Variants in CDC16 observed in about 807,000 individuals in gnomAD.
CDC16 encodes the protein cell division cycle 16, also known as cell division cycle protein 16 homolog.
In CDC16, 34 loss-of-function variants were observed where a neutral mutation model predicts 87.0. The ratio of observed to expected loss-of-function variants is 0.39; its 90% CI spans 0.30 to 0.52. The LOEUF is 0.52. Among genes scored for constraint, CDC16 ranks in the 20% least tolerant of loss-of-function variants. CDC16 has a pLI of 0.74. For synonymous variants in CDC16, 263 were observed against 260.6 expected, an observed-to-expected ratio of 1.01 and a Z score of -0.09; for missense variants, 653 against 751.9, an observed-to-expected ratio of 0.87 and a Z score of 1.54.
At chr13:114,261,082 C>T (rs1162534877) in intron 14 of CDC16, among the ~76,000 whole-genome samples, 1 of 152,058 alleles carries the variant, frequency 6.6e-6, no homozygotes, top group African/African-American at 2.4e-5. Flanking sequence ...TTGCATACAC[C>T]TCAGTCCTGA....
intron 1 of CDC16, 67 bp downstream of exon 1, chr13:114,235,199 C>A: frequency 9.3e-7 from 1 of 1,079,930 alleles, no homozygotes; most frequent in Non-Finnish European, 1.2e-6. Context: ...CGGCGTGGGG[C>A]TGGGGTGACT....
intron 14 of CDC16, among the ~76,000 whole-genome samples, chr13:114,261,228 G>A (rs2082844245): frequency 6.6e-6 from 1 of 151,968 alleles, no homozygotes; most frequent in Non-Finnish European, 1.5e-5. Context: ...GGTTAAGTGT[G>A]GATCACTAAA....
intron 17 of CDC16, among the ~76,000 whole-genome samples, chr13:114,267,706 G>A (rs2083325253): frequency 6.7e-6 from 1 of 150,314 alleles, no homozygotes; most frequent in Non-Finnish European, 1.5e-5. Context: ...TCACTAAAAA[G>A]GAAAGTTCAT....
At chr13:114,242,434 C>A in intron 6 of CDC16, 154 bp downstream of exon 6, 1 of 684,742 alleles carries the variant, frequency 1.5e-6, no homozygotes, top group Non-Finnish European at 2.4e-6. Flanking sequence ...AAGCACGTTG[C>A]AGAATGCAGT....
At chr13:114,244,598 T>G (rs529376306) in intron 8 of CDC16, 61 of 237,314 alleles carry the variant, frequency 2.6e-4, no homozygotes, top group Non-Finnish European at 4.4e-4. Flanking sequence ...TTTTGATTCT[T>G]TTAAATAAGC....
rs189327296 is a variant in CDC16, at chr13:114,243,514, T to C, written c.633+166T>C. ...ATAAGATTCCAAAAAAAAAAAGCTT[T>C]CAAAAATACCTTTTTCCTCTGAAAG... is the stretch of plus-strand genomic sequence containing the variant. On this transcript the variant is annotated intron_variant, in intron 7 of 17. Coordinates refer to ENST00000356221, the MANE Select transcript of CDC16 (RefSeq NM_001078645.3). Among the ~76,000 whole-genome samples, 1,476 of 152,148 alleles carry C rather than the reference T, an allele frequency of 9.7e-3. 21 individuals are homozygous for C. The highest frequency in any genetic ancestry group is 0.034 in the African/African-American group (1,403 of 41,528).
At chr13:114,257,422 G>A (rs528238833) in intron 13 of CDC16, among the ~76,000 whole-genome samples, 192 bp downstream of exon 13, 1 of 152,298 alleles carries the variant, frequency 6.6e-6, no homozygotes, top group South Asian at 2.1e-4. Flanking sequence ...CTAAACCCAG[G>A]TTTTGGTCTT....
In CDC16 at chr13:114,265,136, A is replaced by T. The variant is rs908970289; in HGVS notation, c.1513-14A>T. 3.2e-6 allele frequency: 5 copies of T among 1,557,594 alleles called. No homozygotes were observed. Among genetic ancestry groups the T allele is most frequent in the Non-Finnish European group, 3.5e-6 (4 of 1,128,694 alleles). On this transcript the variant is annotated splice_polypyrimidine_tract_variant and intron_variant, in intron 16 of 17. Transcript: ENST00000356221. ...TGTTTTCTTTTAATAACCATGCTGA[A>T]TCTTTTATGGCAGGCCCTTGGTCTT... is the stretch of plus-strand genomic sequence containing the variant.
chr13:114,235,147 C>G lies in CDC16; in HGVS notation c.48+15C>G. The G allele has an allele frequency of 5.6e-6, 7 of 1,241,376 alleles. No individual in the cohort carries two copies. Among genetic ancestry groups the G allele is most frequent in the Non-Finnish European group, 7.1e-6 (7 of 992,078 alleles). The allele number at this position is 1,241,376 out of a possible 1,614,324, so 76.9% of individuals were successfully genotyped here. Reference sequence around the variant, plus strand: ...ACCTCGACCAGGTGGGCGGCCCCGACTCGGGGTGCGGGGCCCAGGCCTCGC... The same window carrying G: ...ACCTCGACCAGGTGGGCGGCCCCGAGTCGGGGTGCGGGGCCCAGGCCTCGC... On this transcript the variant is annotated intron_variant, in intron 1 of 17. Coordinates refer to ENST00000356221, the MANE Select transcript of CDC16 (RefSeq NM_001078645.3).
chr13:114,238,182 A>ATT (rs1315034859), intron 3 of CDC16, among the ~76,000 whole-genome samples: 4 of 148,950 alleles, frequency 2.7e-5, no homozygotes, highest in African/African-American at 1.0e-4. Context: ...AGCTCCTCGG[A>ATT]CGCCCAGCAG....
rs185798069 is a variant in CDC16, at chr13:114,253,923, G to A, written c.1098-3155G>A. On this transcript the variant is annotated intron_variant, in intron 12 of 17. Transcript: ENST00000356221. ...TCTCCAGATTTTATTGTTGAATTGTGTATTTCTCCCTCCAATTCCGGCACA... is the reference window on the plus strand; with the variant it reads ...TCTCCAGATTTTATTGTTGAATTGTATATTTCTCCCTCCAATTCCGGCACA... 7.9e-4 allele frequency among the ~76,000 whole-genome samples: 120 copies of A among 152,210 alleles called. 1 individual carries two copies. The East Asian group carries it at 0.022, about 28-fold the overall frequency.
At chr13:114,254,998 G>A (rs2082409761) in intron 12 of CDC16, among the ~76,000 whole-genome samples, 1 of 152,170 alleles carries the variant, frequency 6.6e-6, no homozygotes, top group Non-Finnish European at 1.5e-5. Context: ...GCTTACTATT[G>A]ATAATAACTC....
intron 3 of CDC16, 52 bp from the exon 4 acceptor site, chr13:114,238,938 G>C: frequency 6.4e-7 from 1 of 1,567,998 alleles, no homozygotes; most frequent in Non-Finnish European, 8.7e-7. Context: ...CTTTGAAAGT[G>C]AAGATACATA....
chr13:114,235,950 A>G (rs987456167), intron 1 of CDC16, among the ~76,000 whole-genome samples: 2 of 152,198 alleles, frequency 1.3e-5, no homozygotes, highest in African/African-American at 4.8e-5. Flanking sequence ...GCATATTTAT[A>G]ACTATCCCGT....
In CDC16 at chr13:114,235,883, G is replaced by A. The variant is rs181997222; in HGVS notation, c.48+751G>A. ...TTTCTGATCACTTTTTCTTCGGTAC[G>A]GAGACGTAGTGAGGAATATGACAGG... is the stretch of plus-strand genomic sequence containing the variant. On this transcript the variant is annotated intron_variant, in intron 1 of 17. Coordinates refer to ENST00000356221, the MANE Select transcript of CDC16 (RefSeq NM_001078645.3). Among the ~76,000 whole-genome samples, 538 of 152,272 alleles carry A rather than the reference G, an allele frequency of 3.5e-3. 5 individuals carry two copies. The highest frequency in any genetic ancestry group is 0.012 in the African/African-American group (510 of 41,544).
chr13:114,265,898 C>G (rs2083180527), intron 17 of CDC16, among the ~76,000 whole-genome samples: 1 of 152,106 alleles, frequency 6.6e-6, no homozygotes, highest in South Asian at 2.1e-4. Context: ...CCACCGCAAC[C>G]CCTGCCTCCC....
chr13:114,236,556 T>C, intron 1 of CDC16, 89 bp from the exon 2 acceptor site: 1 of 1,044,676 alleles, frequency 9.6e-7, no homozygotes, highest in Non-Finnish European at 1.3e-6. Context: ...TATTAATATA[T>C]TACATAGAAT....
chr13:114,243,927 G>A lies in CDC16; in HGVS notation c.705G>A (p.Val235=), dbSNP rs570514626. Residue 235 remains valine (V), a synonymous_variant, in exon 8 of 18, where the codon GTG becomes GTA. Coordinates refer to ENST00000356221, the MANE Select transcript of CDC16 (RefSeq NM_001078645.3). The part of the protein sequence containing the change: ...DGLQENLDVV[V]SLAERHYYNC... ...TGCAAGAGAATCTGGATGTGGTAGT[G>A]TCTTTAGCTGAGAGACATTATTATA... 2 of 1,605,512 alleles carry A rather than the reference G, an allele frequency of 1.2e-6. No homozygotes were observed. The highest frequency in any genetic ancestry group is 1.7e-6 in the Non-Finnish European group (2 of 1,172,360).
chr13:114,262,051 C>T, intron 15 of CDC16, 103 bp downstream of exon 15: 1 of 643,246 alleles, frequency 1.6e-6, no homozygotes. Context: ...AACCAGCTTT[C>T]TTGTACTTGG....
Sources: allele counts gnomAD v4.1 joint callset (sites outside exome capture counted in the v4.1 genomes callset), GRCh38; gene constraint gnomAD v4.1.1; transcripts MANE v1.5; gene names NCBI Gene and HGNC (gene_info 2026-07-23, HGNC 2026-07-21).